SLC25A36: variants seen among roughly 807,000 people sequenced by gnomAD.
SLC25A36 encodes the protein solute carrier family 25 member 36.
Under a neutral mutation model 35.3 loss-of-function variants are expected in SLC25A36, and 24 were observed. The ratio of observed to expected loss-of-function variants is 0.68; its 90% CI spans 0.49 to 0.96. The LOEUF is 0.96. Among genes scored for constraint, SLC25A36 ranks in the 40% least tolerant of loss-of-function variants. The probability of loss-of-function intolerance (pLI) is 0.00; values close to 1 mark genes in which losing one functional copy is unlikely to be tolerated. For missense variants in SLC25A36, 294 were observed against 381.1 expected (o/e 0.77, Z 1.90); for synonymous variants, 141 against 132.2 (o/e 1.07, Z -0.46).
rs556989034 is a variant in SLC25A36 at position 140,945,593 on chromosome 3, A to G, written c.41+3498A>G. ...GGTCTGAGAGTTTAAAACTATTTTC[A>G]TAAAAATACATTATTGGCACAAATT... On this transcript the variant is annotated intron_variant, in intron 1 of 6. Coordinates refer to ENST00000324194, the MANE Select transcript of SLC25A36 (RefSeq NM_001104647.3). 5.9e-5 allele frequency among the ~76,000 whole-genome samples: 9 copies of G among 152,198 alleles called. No homozygotes were observed. In the South Asian group the frequency reaches 6.2e-4, roughly 11 times the overall value.
At chr3:140,953,186 T>C (rs1055195079) in intron 1 of SLC25A36, among the ~76,000 whole-genome samples, 1 of 152,208 alleles carries the variant, frequency 6.6e-6, no homozygotes, top group Admixed American at 6.5e-5. Context: ...TAAGTAAATT[T>C]ATGGCTTCTA....
chr3:140,970,222 G>A (rs1183888521), intron 4 of SLC25A36: 1 of 151,880 alleles, frequency 6.6e-6, no homozygotes. Context: ...AACTAGAGCT[G>A]TCTTCTACCC....
At chr3:140,946,647 TAGA>T (rs369648883) in intron 1 of SLC25A36, among the ~76,000 whole-genome samples, 93 of 152,256 alleles carry the variant, frequency 6.1e-4, no homozygotes, top group African/African-American at 2.2e-3. Flanking sequence ...ATGCAGAGTG[TAGA>T]AGAAGAGCGA....
intron 2 of SLC25A36, 47 bp downstream of exon 2, chr3:140,956,738 T>TA (rs1934490947): frequency 6.5e-7 from 1 of 1,529,228 alleles, no homozygotes; most frequent in African/African-American, 1.4e-5. Flanking sequence ...TTTGCGTTAG[T>TA]GAGTTCCAGA....
chr3:140,947,539 G>A (rs1426239885), intron 1 of SLC25A36, among the ~76,000 whole-genome samples: 1 of 151,858 alleles, frequency 6.6e-6, no homozygotes, highest in Admixed American at 6.6e-5. Flanking sequence ...CTAGCTTTAC[G>A]AAAACCAAAA....
chr3:140,969,750 A>G (rs1022561279), intron 4 of SLC25A36, among the ~76,000 whole-genome samples: 7 of 151,898 alleles, frequency 4.6e-5, no homozygotes, highest in Non-Finnish European at 1.5e-5. Flanking sequence ...GATCTGTACT[A>G]TATTAATTTA....
chr3:140,946,027 A>G, intron 1 of SLC25A36, among the ~76,000 whole-genome samples: 1 of 152,204 alleles, frequency 6.6e-6, no homozygotes, highest in East Asian at 1.9e-4. Flanking sequence ...TTACTGGTAT[A>G]GTTCAGATTC....
At chr3:140,954,280 G>A (rs1464709774) in intron 1 of SLC25A36, among the ~76,000 whole-genome samples, 1 of 152,196 alleles carries the variant, frequency 6.6e-6, no homozygotes, top group Non-Finnish European at 1.5e-5. Flanking sequence ...ACCACAGTTT[G>A]CTTCCACTAG....
intron 6 of SLC25A36, among the ~76,000 whole-genome samples, chr3:140,975,888 T>C (rs1935031553): frequency 6.6e-6 from 1 of 152,206 alleles, no homozygotes; most frequent in Non-Finnish European, 1.5e-5. Flanking sequence ...TCTTTTCTGC[T>C]TGTTTCTCAC....
chr3:140,959,047 C>A (rs1398308576), intron 2 of SLC25A36, among the ~76,000 whole-genome samples: 2 of 127,534 alleles, frequency 1.6e-5, no homozygotes, highest in Middle Eastern at 5.7e-3. Flanking sequence ...GACAGAGTTT[C>A]GCTCTGTCTC....
intron 6 of SLC25A36, among the ~76,000 whole-genome samples, chr3:140,974,687 T>C (rs997453451): frequency 6.6e-6 from 1 of 152,212 alleles, no homozygotes; most frequent in African/African-American, 2.4e-5. Context: ...TTGTTTTAAG[T>C]GTCGCTTTTG....
chr3:140,955,426 A>C (rs895552822), intron 1 of SLC25A36, among the ~76,000 whole-genome samples: 1 of 152,190 alleles, frequency 6.6e-6, no homozygotes, highest in Non-Finnish European at 1.5e-5. Flanking sequence ...TTTGGTTAGA[A>C]AGCAGTTCTA....
rs1273060803 is a variant in SLC25A36 at position 140,941,853 on chromosome 3, G to C, written c.-202G>C. 7.9e-6 allele frequency: 4 copies of C among 504,680 alleles called. No homozygotes were observed. The highest frequency in any genetic ancestry group is 1.4e-5 in the Non-Finnish European group (4 of 281,846). 31.3% of individuals were successfully genotyped at this position (504,680 alleles called of 1,614,324 possible). A position where few individuals can be genotyped will look rare whatever the true frequency, so the allele number is the denominator to read the frequency against. ...TCGCTTTCAGCCTCTGGTGAAGGGC[G>C]GCGCGCTTAGGCAGGCGGTGGCGCG... On this transcript the variant is annotated 5_prime_UTR_variant, in exon 1 of 7. Transcript: ENST00000324194.
chr3:140,947,356 A>G (rs927324175), intron 1 of SLC25A36, among the ~76,000 whole-genome samples: 12 of 151,568 alleles, frequency 7.9e-5, no homozygotes, highest in East Asian at 3.9e-4. Flanking sequence ...CCCTCAGCCT[A>G]TTTTGTTCCT....
At position 140,965,374 on chromosome 3, in the gene SLC25A36, A is replaced by G. The variant is rs927841476; in HGVS notation, c.385+2147A>G. On this transcript the variant is annotated intron_variant, in intron 4 of 6. Transcript: ENST00000324194. Reference sequence around the variant, plus strand: ...TGTGAAAAATCATTTTCAGCTGTCTATTCAAGGGAAAAAATGCTAACCTTG... The same window carrying G: ...TGTGAAAAATCATTTTCAGCTGTCTGTTCAAGGGAAAAAATGCTAACCTTG... 2.6e-5 allele frequency: 4 copies of G among 151,812 alleles called. No individual in the cohort carries two copies. In the South Asian group the frequency reaches 6.2e-4, roughly 24 times the overall value. 9.4% of individuals were successfully genotyped at this position (151,812 alleles called of 1,614,324 possible).
rs1012282275 is a variant in SLC25A36, at chr3:140,979,389, A to G, written c.*2936A>G. 7 of 152,196 alleles carry G rather than the reference A, an allele frequency of 4.6e-5. No homozygotes were observed. Among genetic ancestry groups the G allele is most frequent in the African/African-American group, 1.7e-4 (7 of 41,460 alleles). The allele number at this position is 152,196 out of a possible 1,614,324, so 9.4% of individuals were successfully genotyped here. ...AAATCAATCCATTTCTTGCCCTTCA[A>G]TAATTGTCCATGCCTGCCTTTTGTT... On this transcript the variant is annotated 3_prime_UTR_variant, in exon 7 of 7. Transcript: ENST00000324194.
chr3:140,968,093 A>G, intron 4 of SLC25A36: 2 of 985,018 alleles, frequency 2.0e-6, no homozygotes, highest in Non-Finnish European at 1.2e-6. Context: ...TTGCCTTACC[A>G]TATATAATGC....
chr3:140,959,026 T>TTTTC (rs773840014), intron 2 of SLC25A36, among the ~76,000 whole-genome samples: 1 of 147,790 alleles, frequency 6.8e-6, no homozygotes, highest in Admixed American at 6.7e-5. Flanking sequence ...TTTCTTTTTT[T>TTTTC]TTTTTTTGGA....
At chr3:140,971,461 A>T (rs1397462566) in intron 5 of SLC25A36, among the ~76,000 whole-genome samples, 1 of 152,208 alleles carries the variant, frequency 6.6e-6, no homozygotes, top group Non-Finnish European at 1.5e-5. Context: ...GTTACCACTG[A>T]CCACTTTATA....
Sources: gnomAD v4.1 joint callset for allele counts (sites outside exome capture counted in the v4.1 genomes callset) on GRCh38, gnomAD v4.1.1 for gene constraint, MANE v1.5 for transcripts, NCBI Gene and HGNC (gene_info 2026-07-23, HGNC 2026-07-21) for gene names.